NFILZ: variants seen among roughly 807,000 people sequenced by gnomAD.
The protein encoded by NFILZ is NFIL3 like protein.
chr19:8,640,729 A>G (rs1409953167), intron 3 of NFILZ, among the ~76,000 whole-genome samples: 2 of 152,110 alleles, frequency 1.3e-5, no homozygotes, highest in Non-Finnish European at 2.9e-5. Context: ...GACTCTTCTC[A>G]CAGTTTCTGT....
chr19:8,658,314 A>G (rs1320428759), intron 3 of NFILZ, among the ~76,000 whole-genome samples: 1 of 151,810 alleles, frequency 6.6e-6, no homozygotes, highest in Non-Finnish European at 1.5e-5. Flanking sequence ...GTTCTCCACC[A>G]TGCCCTATTG....
intron 3 of NFILZ, among the ~76,000 whole-genome samples, chr19:8,669,179 A>G (rs1402021883): frequency 6.6e-6 from 1 of 152,214 alleles, no homozygotes; most frequent in Non-Finnish European, 1.5e-5. Flanking sequence ...TTCCCACTTC[A>G]GGTGATCTGC....
At chr19:8,663,859 C>T (rs2043049371) in intron 3 of NFILZ, among the ~76,000 whole-genome samples, 1 of 151,664 alleles carries the variant, frequency 6.6e-6, no homozygotes, top group African/African-American at 2.4e-5. Context: ...TCAGGTGCCT[C>T]GAAGAGAGAC....
At chr19:8,665,615 A>G (rs1450442311) in intron 3 of NFILZ, among the ~76,000 whole-genome samples, 1 of 152,142 alleles carries the variant, frequency 6.6e-6, no homozygotes, top group Non-Finnish European at 1.5e-5. Flanking sequence ...TGCTGGAATT[A>G]CAGGCATGAG....
At chr19:8,633,489 G>A (rs2042879881) in intron 2 of NFILZ, among the ~76,000 whole-genome samples, 1 of 152,146 alleles carries the variant, frequency 6.6e-6, no homozygotes, top group South Asian at 2.1e-4. Context: ...CTAAGCTGAG[G>A]CTGCACAGGG....
intron 3 of NFILZ, among the ~76,000 whole-genome samples, chr19:8,661,800 G>T (rs1445522037): frequency 1.3e-5 from 2 of 152,158 alleles, no homozygotes; most frequent in Non-Finnish European, 2.9e-5. Flanking sequence ...GCTGAGGCAG[G>T]AGAATCGCTT....
At chr19:8,640,145 C>CTCT (rs2042912741) in intron 3 of NFILZ, among the ~76,000 whole-genome samples, 1 of 152,036 alleles carries the variant, frequency 6.6e-6, no homozygotes, top group South Asian at 2.1e-4. Context: ...GCCCGCTGAA[C>CTCT]TCTTGCCCTC....
At chr19:8,656,480 C>CT (rs1255176048) in intron 3 of NFILZ, among the ~76,000 whole-genome samples, 22,467 of 42,772 alleles carry the variant, frequency 0.53, 5,576 homozygotes, top group Non-Finnish European at 0.57. Context: ...CACCTTCTCC[C>CT]GCAGCCCACC....
chr19:8,672,482 T>G (rs2043092556), intron 3 of NFILZ, among the ~76,000 whole-genome samples: 1 of 152,014 alleles, frequency 6.6e-6, no homozygotes, highest in Non-Finnish European at 1.5e-5. Flanking sequence ...ATTAGTTCAT[T>G]CAAAAAAAAT....
Position 8,678,179 on chromosome 19 carries a change from A to G in NFILZ, c.*544A>G, listed in dbSNP as rs371104091. Among the ~76,000 whole-genome samples, 189 of 21,004 alleles carry G rather than the reference A, an allele frequency of 9.0e-3. 35 individuals are homozygous for G. Among genetic ancestry groups the G allele is most frequent in the African/African-American group, 0.017 (95 of 5,496 alleles). 13.8% of individuals were successfully genotyped at this position (21,004 alleles called of 152,430 possible). ...CATCCATCCATCCATCCATCCATCC[A>G]TCCATCCATCCGTCCATCTATCCAT... On this transcript the variant is annotated 3_prime_UTR_variant, in exon 6 of 6. Coordinates refer to ENST00000691075, the MANE Select transcript of NFILZ (RefSeq NM_001378600.1).
At chr19:8,651,395 C>T (rs986698024) in intron 3 of NFILZ, among the ~76,000 whole-genome samples, 42 of 152,182 alleles carry the variant, frequency 2.8e-4, no homozygotes, top group African/African-American at 9.7e-4. Flanking sequence ...CTCCTGACCT[C>T]AAGTGATCCA....
At position 8,678,145 on chromosome 19, in the gene NFILZ, TTG is replaced by T. The variant is rs2043125565; in HGVS notation, c.*512_*513del. Among the ~76,000 whole-genome samples, 1 of 1,226 alleles carries T rather than the reference TTG, an allele frequency of 8.2e-4. No individual in the cohort carries two copies. The highest frequency in any genetic ancestry group is 3.6e-3 in the African/African-American group (1 of 280). The allele number at this position is 1,226 out of a possible 152,430, so 0.8% of individuals were successfully genotyped here. On this transcript the variant is annotated 3_prime_UTR_variant, in exon 6 of 6. Transcript: ENST00000691075. Reference sequence around the variant, plus strand: ...TCCATCCCTCCATCCATTCATCCACTTGTCCGTCCATCCATCCATCCATCCAT... The same window carrying T: ...TCCATCCCTCCATCCATTCATCCACTTCCGTCCATCCATCCATCCATCCAT...
intron 3 of NFILZ, among the ~76,000 whole-genome samples, chr19:8,653,462 A>G (rs2042978520): frequency 6.6e-6 from 1 of 152,176 alleles, no homozygotes; most frequent in Non-Finnish European, 1.5e-5. Flanking sequence ...AAATTGAAAA[A>G]TGATCCCAGC....
intron 3 of NFILZ, among the ~76,000 whole-genome samples, chr19:8,668,316 T>C (rs2043071994): frequency 1.8e-5 from 2 of 109,682 alleles, no homozygotes; most frequent in Admixed American, 1.8e-4. Context: ...TCAAATACTG[T>C]ATTTTCAATC....
intron 4 of NFILZ, among the ~76,000 whole-genome samples, chr19:8,675,040 G>A (rs782414323): frequency 1.3e-5 from 2 of 152,072 alleles, no homozygotes; most frequent in Non-Finnish European, 2.9e-5. Context: ...TCATTCATGT[G>A]TTCATTCATT....
rs1390210905 is a variant in NFILZ, at chr19:8,680,373, T to G, written c.*2738T>G. Among the ~76,000 whole-genome samples the G allele has an allele frequency of 9.9e-5, 15 of 151,376 alleles. No homozygotes were observed. Among genetic ancestry groups the G allele is most frequent in the African/African-American group, 3.7e-4 (15 of 40,956 alleles). ...TTTAGCAAATTTTCTTGATCATAAG[T>G]TTCTCATTGTTTCATTTTATTCAAG... is the stretch of plus-strand genomic sequence containing the variant. On this transcript the variant is annotated 3_prime_UTR_variant, in exon 6 of 6. Transcript: ENST00000691075.
chr19:8,664,687 T>G (rs1275042490), intron 3 of NFILZ, among the ~76,000 whole-genome samples: 1 of 152,018 alleles, frequency 6.6e-6, no homozygotes, highest in Admixed American at 6.6e-5. Flanking sequence ...CCGAGAAACC[T>G]GGGCTGGGCT....
At chr19:8,643,586 A>C (rs2042927603) in intron 3 of NFILZ, among the ~76,000 whole-genome samples, 1 of 152,228 alleles carries the variant, frequency 6.6e-6, no homozygotes, top group Non-Finnish European at 1.5e-5. Context: ...ACAAAAAGGC[A>C]GAGAGGAAGG....
At chr19:8,645,198 A>G (rs1555746975) in intron 3 of NFILZ, among the ~76,000 whole-genome samples, 2 of 151,640 alleles carry the variant, frequency 1.3e-5, no homozygotes, top group East Asian at 1.9e-4. Context: ...CAGTGGTGCA[A>G]TCATAGCTCA....
Sources: allele counts gnomAD v4.1 joint callset (sites outside exome capture counted in the v4.1 genomes callset), GRCh38; gene constraint gnomAD v4.1.1; transcripts MANE v1.5; gene names NCBI Gene and HGNC (gene_info 2026-07-23, HGNC 2026-07-21).